Variants in DIAPH2 observed in about 807,000 individuals in gnomAD.
DIAPH2 encodes protein diaphanous homolog 2.
DIAPH2 carries 35 observed loss-of-function variants against 92.7 expected under a neutral mutation model. The ratio of observed to expected loss-of-function variants is 0.38; its 90% confidence interval spans 0.29 to 0.50. The LOEUF (loss-of-function observed/expected upper bound fraction) is 0.50. Among genes scored for constraint, DIAPH2 ranks in the 20% least tolerant of loss-of-function variants. The probability of loss-of-function intolerance (pLI) is 0.94; values close to 1 mark genes in which losing one functional copy is unlikely to be tolerated. For missense variants in DIAPH2, 701 were observed against 819.5 expected (o/e 0.86, Z 1.77); for synonymous variants, 301 against 280.4 (o/e 1.07, Z -0.73).
intron 4 of DIAPH2, among the ~76,000 whole-genome samples, chrX:96,880,930 A>G (rs773053027): frequency 5.3e-4 from 59 of 111,713 alleles, no homozygotes; most frequent in African/African-American, 1.8e-3. Flanking sequence ...TAAGTTAAAA[A>G]CTAGTCACTA....
At chrX:96,755,124 G>T (rs1356468965) in intron 3 of DIAPH2, among the ~76,000 whole-genome samples, 2 of 109,270 alleles carry the variant, frequency 1.8e-5, no homozygotes, top group Non-Finnish European at 3.8e-5. Context: ...ATCCAAATGA[G>T]AAATAACATT....
At chrX:97,135,746 C>T (rs768345811) in intron 21 of DIAPH2, among the ~76,000 whole-genome samples, 1 of 111,109 alleles carries the variant, frequency 9.0e-6, no homozygotes, top group Admixed American at 9.6e-5. Context: ...ATAAAAGTGG[C>T]ATATTCGTAA....
intron 8 of DIAPH2, among the ~76,000 whole-genome samples, chrX:96,916,962 T>C (rs909464153): frequency 3.6e-5 from 4 of 111,683 alleles, no homozygotes; most frequent in African/African-American, 1.3e-4. Flanking sequence ...TTTTACATTA[T>C]CTTATAATAG....
chrX:97,141,647 G>T lies in DIAPH2; in HGVS notation c.2590-18G>T. The T allele has an allele frequency of 8.5e-7, 1 of 1,172,260 alleles. No homozygotes were observed. The highest frequency in any genetic ancestry group is 2.0e-5 in the South Asian group (1 of 51,243). On this transcript the variant is annotated intron_variant, in intron 21 of 26. Coordinates refer to ENST00000324765, the MANE Select transcript of DIAPH2 (RefSeq NM_006729.5). ...TTACTAAAAAATTACTAAAAAATGT[G>T]TTGTTGTTTTCTCCCAGATCAGAGA...
chrX:97,464,818 A>AAT (rs752739687), intron 26 of DIAPH2, among the ~76,000 whole-genome samples: 26 of 111,263 alleles, frequency 2.3e-4, no homozygotes, highest in African/African-American at 2.9e-4. Flanking sequence ...TGGCTACATA[A>AAT]ATATATATAT....
chrX:97,592,169 T>C lies in DIAPH2; in HGVS notation c.3242-7084T>C, dbSNP rs1234461849. ...TAATGTGGATACATTTTTAATGCCT[T>C]GAATTAATATTATTGTACTATGTGA... On this transcript the variant is annotated intron_variant, in intron 26 of 26. Coordinates refer to ENST00000324765, the MANE Select transcript of DIAPH2 (RefSeq NM_006729.5). 2.7e-5 allele frequency among the ~76,000 whole-genome samples: 3 copies of C among 112,213 alleles called. 1 individual carries two copies. The Admixed American group carries it at 2.8e-4, about 11-fold the overall frequency.
intron 25 of DIAPH2, among the ~76,000 whole-genome samples, chrX:97,385,950 G>A (rs1354160992): frequency 8.9e-6 from 1 of 111,945 alleles, no homozygotes; most frequent in African/African-American, 3.2e-5. Context: ...TTGAACCCAG[G>A]CAGTGTGTAA....
At chrX:97,502,334 G>A (rs187056650) in intron 26 of DIAPH2, among the ~76,000 whole-genome samples, 2 of 112,148 alleles carry the variant, frequency 1.8e-5, no homozygotes, top group Non-Finnish European at 3.8e-5. Flanking sequence ...GGACTTTCAA[G>A]GATTCTGTTT....
At chrX:97,407,244 A>G (rs1287383371) in intron 25 of DIAPH2, among the ~76,000 whole-genome samples, 2 of 111,996 alleles carry the variant, frequency 1.8e-5, no homozygotes, top group East Asian at 5.6e-4. Context: ...CCAAAAGTCT[A>G]TAGTATTTTT....
At chrX:96,708,481 C>T (rs768756391) in intron 1 of DIAPH2, among the ~76,000 whole-genome samples, 1 of 110,396 alleles carries the variant, frequency 9.1e-6, no homozygotes, top group African/African-American at 3.3e-5. Context: ...ACCTTGTGAT[C>T]CACCTGCCTC....
In DIAPH2 at chrX:96,684,985, G is replaced by A; in HGVS notation, c.-74G>A. On this transcript the variant is annotated 5_prime_UTR_variant, in exon 1 of 27. It adds an upstream start codon to the 5' untranslated region. Transcript: ENST00000324765. ...TGCCGCCGAGTCAGCGCGGGGCAGT[G>A]TGAGCGCCCCGAGGTGCTTTCTCAG... is the stretch of plus-strand genomic sequence containing the variant. 1.1e-6 allele frequency: 1 copy of A among 936,878 alleles called. No individual in the cohort carries two copies. Among genetic ancestry groups the A allele is most frequent in the South Asian group, 5.7e-5 (1 of 17,446 alleles). 77.2% of individuals were successfully genotyped at this position (936,878 alleles called of 1,213,427 possible).
chrX:96,843,132 G>A (rs1368404397), intron 4 of DIAPH2, among the ~76,000 whole-genome samples: 4 of 110,953 alleles, frequency 3.6e-5, no homozygotes, highest in Non-Finnish European at 7.5e-5. Context: ...CACCGCCCTG[G>A]TACTGTCCTT....
chrX:97,174,539 A>G (rs1179680869), intron 22 of DIAPH2, among the ~76,000 whole-genome samples: 1 of 111,780 alleles, frequency 8.9e-6, no homozygotes, highest in African/African-American at 3.2e-5. Flanking sequence ...GTTGTTGTAG[A>G]TATTAATGGG....
At chrX:96,795,975 C>A (rs2064535787) in intron 4 of DIAPH2, among the ~76,000 whole-genome samples, 2 of 110,752 alleles carry the variant, frequency 1.8e-5, no homozygotes, top group African/African-American at 6.6e-5. Context: ...GGAGACACAA[C>A]CAACGGAGAA....
At chrX:96,907,202 G>A (rs1047233683) in intron 5 of DIAPH2, among the ~76,000 whole-genome samples, 10 of 111,980 alleles carry the variant, frequency 8.9e-5, no homozygotes, top group African/African-American at 3.2e-4. Flanking sequence ...TATTCTTTCT[G>A]ATAAACTACC....
chrX:96,864,244 TA>T (rs777859221), intron 4 of DIAPH2, among the ~76,000 whole-genome samples: 1 of 110,029 alleles, frequency 9.1e-6, no homozygotes, highest in South Asian at 3.9e-4. Context: ...GAAAGATTCC[TA>T]GAAGTAGCAT....
intron 22 of DIAPH2, among the ~76,000 whole-genome samples, chrX:97,212,590 G>GTTTTTTTTTT (rs57173350): frequency 1.5e-5 from 1 of 67,821 alleles, no homozygotes; most frequent in African/African-American, 5.5e-5. Flanking sequence ...AGGGTTTTTT[G>GTTTTTTTTTT]TTTTTTTTTT....
At chrX:97,579,164 T>C (rs1199776554) in intron 26 of DIAPH2, among the ~76,000 whole-genome samples, 1 of 109,896 alleles carries the variant, frequency 9.1e-6, no homozygotes, top group Non-Finnish European at 1.9e-5. Context: ...GTGCAGAATC[T>C]CTTTAGTTTA....
At position 96,852,213 on chromosome X, in the gene DIAPH2, T is replaced by C. The variant is rs2065010593; in HGVS notation, c.448-29366T>C. Among the ~76,000 whole-genome samples, 5 of 112,378 alleles carry C rather than the reference T, an allele frequency of 4.4e-5. No homozygotes were observed. In the South Asian group the frequency reaches 1.8e-3, roughly 41 times the overall value. ...TCACTCCAATTCAGAAAAACAACTTTTGAAATCTTACAATGTGGTAGGCAC... is the reference window on the plus strand; with the variant it reads ...TCACTCCAATTCAGAAAAACAACTTCTGAAATCTTACAATGTGGTAGGCAC... On this transcript the variant is annotated intron_variant, in intron 4 of 26. Coordinates refer to ENST00000324765, the MANE Select transcript of DIAPH2 (RefSeq NM_006729.5).
Sources: allele counts gnomAD v4.1 joint callset (sites outside exome capture counted in the v4.1 genomes callset), GRCh38; gene constraint gnomAD v4.1.1; transcripts MANE v1.5; gene names NCBI Gene and HGNC (gene_info 2026-07-23, HGNC 2026-07-21).